The following PDE11A variants were observed in gnomAD, a reference collection of about 807,000 sequenced individuals.
The protein encoded by PDE11A is dual 3',5'-cyclic-AMP and -GMP phosphodiesterase 11A.
PDE11A carries 100 observed loss-of-function variants against 100.5 expected under a neutral mutation model. That is an observed-to-expected ratio of 1.00 (90% CI 0.85 to 1.18). PDE11A has a LOEUF of 1.18. Ranked by LOEUF, PDE11A falls within the 50% of genes most tolerant of loss-of-function variation. PDE11A has a pLI of 0.00. For synonymous variants in PDE11A, 381 were observed against 420.8 expected (o/e 0.91, Z 1.16); for missense variants, 1,141 against 1,152.6 (o/e 0.99, Z 0.15).
chr2:177,941,523 A>G (rs2085345401), intron 2 of PDE11A, among the ~76,000 whole-genome samples: 1 of 152,186 alleles, frequency 6.6e-6, no homozygotes, highest in African/African-American at 2.4e-5. Flanking sequence ...CCCACCTGAC[A>G]GGGTAATTTA....
At chr2:177,921,340 T>G (rs527930175) in intron 2 of PDE11A, among the ~76,000 whole-genome samples, 1 of 151,934 alleles carries the variant, frequency 6.6e-6, no homozygotes, top group African/African-American at 2.4e-5. Flanking sequence ...TTATATTATT[T>G]ATGATGGGAT....
intron 2 of PDE11A, among the ~76,000 whole-genome samples, chr2:177,943,247 T>C (rs2085365709): frequency 6.6e-6 from 1 of 152,200 alleles, no homozygotes; most frequent in Non-Finnish European, 1.5e-5. Context: ...AAAAGTGAGA[T>C]TGCTGGATTA....
chr2:178,099,280 C>CA (rs2087532631), intron 2 of PDE11A, among the ~76,000 whole-genome samples: 1 of 150,510 alleles, frequency 6.6e-6, no homozygotes, highest in Non-Finnish European at 1.5e-5. Context: ...ACAACAACAG[C>CA]AAAAAAAATT....
intron 2 of PDE11A, among the ~76,000 whole-genome samples, chr2:178,096,768 C>A (rs922774061): frequency 6.6e-6 from 1 of 152,226 alleles, no homozygotes; most frequent in South Asian, 2.1e-4. Flanking sequence ...TTGGTCAAAA[C>A]CATTCAACAA....
intron 2 of PDE11A, among the ~76,000 whole-genome samples, chr2:177,995,378 C>G (rs1559035984): frequency 6.6e-6 from 1 of 152,136 alleles, no homozygotes; most frequent in African/African-American, 2.4e-5. Flanking sequence ...CTATTTTCTC[C>G]ATATGCATGT....
At chr2:177,789,102 C>T (rs2082588018) in intron 9 of PDE11A, among the ~76,000 whole-genome samples, 1 of 152,186 alleles carries the variant, frequency 6.6e-6, no homozygotes, top group Non-Finnish European at 1.5e-5. Flanking sequence ...GAATTTTAGA[C>T]CAATATGCTT....
intron 1 of PDE11A, among the ~76,000 whole-genome samples, chr2:178,016,416 C>T (rs1191446991): frequency 6.6e-6 from 1 of 152,014 alleles, no homozygotes; most frequent in Non-Finnish European, 1.5e-5. Context: ...ATCTCCTGCT[C>T]AAAATAAGTA....
chr2:177,941,667 C>T (rs1312229902), intron 2 of PDE11A, among the ~76,000 whole-genome samples: 1 of 152,206 alleles, frequency 6.6e-6, no homozygotes, highest in African/African-American at 2.4e-5. Context: ...TCTCCTTCCT[C>T]CCCTCTCCCC....
intron 19 of PDE11A, 75 bp downstream of exon 19, chr2:177,663,791 G>T: frequency 2.3e-6 from 2 of 864,942 alleles, no homozygotes; most frequent in Non-Finnish European, 4.0e-6. Context: ...CTCCTCAAAT[G>T]AGTGCTTTTG....
At chr2:178,092,078 G>T (rs2087430173) in intron 2 of PDE11A, among the ~76,000 whole-genome samples, 1 of 151,952 alleles carries the variant, frequency 6.6e-6, no homozygotes. Flanking sequence ...TTAAAAAGTT[G>T]CTTTAAGTAT....
intron 2 of PDE11A, among the ~76,000 whole-genome samples, chr2:177,993,902 G>T (rs1435959996): frequency 1.3e-5 from 2 of 150,322 alleles, no homozygotes; most frequent in Admixed American, 6.7e-5. Flanking sequence ...TAATATATAT[G>T]TATATATGTG....
intron 1 of PDE11A, among the ~76,000 whole-genome samples, chr2:178,033,498 T>A (rs1424940726): frequency 2.0e-5 from 3 of 152,106 alleles, no homozygotes; most frequent in African/African-American, 7.2e-5. Context: ...CCAGGAGAAC[T>A]TCCCCAACCT....
chr2:177,763,045 GAC>G (rs1455376649), intron 10 of PDE11A, among the ~76,000 whole-genome samples: 1 of 152,148 alleles, frequency 6.6e-6, no homozygotes, highest in African/African-American at 2.4e-5. Context: ...ATTTGATTAA[GAC>G]ACAATTCATA....
chr2:177,663,374 G>C (rs549397976), intron 19 of PDE11A, among the ~76,000 whole-genome samples: 1 of 150,622 alleles, frequency 6.6e-6, no homozygotes, highest in East Asian at 1.9e-4. Context: ...CAGACCATGG[G>C]GTCAGAGCCG....
At chr2:177,803,779 A>G (rs1310352160) in intron 9 of PDE11A, among the ~76,000 whole-genome samples, 2 of 152,040 alleles carry the variant, frequency 1.3e-5, no homozygotes, top group Admixed American at 6.6e-5. Context: ...TTCTCAACAA[A>G]TCAGACATAG....
At chr2:177,843,505 C>T (rs2083524979) in intron 5 of PDE11A, among the ~76,000 whole-genome samples, 1 of 152,190 alleles carries the variant, frequency 6.6e-6, no homozygotes, top group South Asian at 2.1e-4. Context: ...TCCCTACTTA[C>T]AGAATTCCCA....
chr2:177,739,266 GTGCAGC>G (rs2081838258), intron 10 of PDE11A, among the ~76,000 whole-genome samples: 2 of 152,132 alleles, frequency 1.3e-5, no homozygotes, highest in Non-Finnish European at 2.9e-5. Flanking sequence ...GCACTCCACC[GTGCAGC>G]AAAGCCAGTG....
intron 1 of PDE11A, among the ~76,000 whole-genome samples, chr2:178,021,120 C>A (rs2086406351): frequency 1.3e-5 from 2 of 152,114 alleles, no homozygotes; most frequent in South Asian, 4.2e-4. Context: ...TGCCACCACA[C>A]CAAGCTAATT....
intron 2 of PDE11A, among the ~76,000 whole-genome samples, chr2:177,931,856 C>T (rs1278375325): frequency 7.7e-6 from 1 of 130,716 alleles, no homozygotes; most frequent in African/African-American, 2.8e-5. Context: ...CCAACAAAAC[C>T]AAAAGTTGGT....
Sources: gnomAD v4.1 joint callset for allele counts (sites outside exome capture counted in the v4.1 genomes callset) on GRCh38, gnomAD v4.1.1 for gene constraint, MANE v1.5 for transcripts, NCBI Gene and HGNC (gene_info 2026-07-23, HGNC 2026-07-21) for gene names.